BCAS3: variants seen among roughly 807,000 people sequenced by gnomAD.
BCAS3 encodes the protein BCAS3 microtubule associated cell migration factor.
A neutral mutation model predicts 116.1 loss-of-function variants in BCAS3; 53 were observed. The ratio of observed to expected loss-of-function variants is 0.46; its 90% CI spans 0.37 to 0.57. The LOEUF (loss-of-function observed/expected upper bound fraction) is 0.57, where lower values mean the gene tolerates loss of function less well. BCAS3 is among the 20% of genes least tolerant of loss of function. The pLI is 0.00. For synonymous variants in BCAS3, 391 were observed against 408.2 expected (o/e 0.96, Z 0.51); for missense variants, 917 against 1,165.4 (o/e 0.79, Z 3.10).
intron 5 of BCAS3, among the ~76,000 whole-genome samples, chr17:60,719,112 G>A (rs1046038836): frequency 1.3e-5 from 2 of 152,118 alleles, no homozygotes; most frequent in African/African-American, 2.4e-5. Flanking sequence ...GAAGCCATTG[G>A]AGGATTTTTG....
rs1223278958 is a variant in BCAS3, at chr17:61,362,495, G to A, written c.2426-5832G>A. Among the ~76,000 whole-genome samples, 1 of 152,224 alleles carries A rather than the reference G, an allele frequency of 6.6e-6. No individual in the cohort carries two copies. The highest frequency in any genetic ancestry group is 1.9e-4 in the East Asian group (1 of 5,196). On this transcript the variant is annotated intron_variant, in intron 22 of 23. Coordinates refer to ENST00000407086, the MANE Select transcript of BCAS3 (RefSeq NM_017679.5). The surrounding 1 kb of genome is among the most constrained non-coding windows in gnomAD (Gnocchi z 4.4). ...AGTGTGATTAGACACTATCAGCTTAGAGGAGCATCCTACCTGTCCCCCTCC... is the reference window on the plus strand; with the variant it reads ...AGTGTGATTAGACACTATCAGCTTAAAGGAGCATCCTACCTGTCCCCCTCC...
At chr17:61,057,262 A>T (rs143887156) in intron 19 of BCAS3, among the ~76,000 whole-genome samples, 1 of 152,344 alleles carries the variant, frequency 6.6e-6, no homozygotes, top group South Asian at 2.1e-4. Context: ...AGAAAATATC[A>T]GGGAAACCCT....
At chr17:60,705,201 T>G (rs2036951819) in intron 4 of BCAS3, among the ~76,000 whole-genome samples, 1 of 151,942 alleles carries the variant, frequency 6.6e-6, no homozygotes, top group Admixed American at 6.6e-5. Flanking sequence ...ACTTACAGGA[T>G]TTACGATAGA....
Position 60,963,978 on chromosome 17 carries a change from A to G in BCAS3, c.1221+16626A>G, listed in dbSNP as rs183358584. 2.0e-5 allele frequency among the ~76,000 whole-genome samples: 3 copies of G among 152,320 alleles called. No homozygotes were observed. The East Asian group carries it at 5.8e-4, about 29-fold the overall frequency. On this transcript the variant is annotated intron_variant, in intron 14 of 23. Coordinates refer to ENST00000407086, the MANE Select transcript of BCAS3 (RefSeq NM_017679.5). ...CTGGATATAAGATCATGTTGTCTGC[A>G]AACAAGGCTGATTTGAATTCTTCCT...
At chr17:60,735,913 C>T (rs576510547) in intron 5 of BCAS3, among the ~76,000 whole-genome samples, 1 of 143,282 alleles carries the variant, frequency 7.0e-6, no homozygotes, top group African/African-American at 3.0e-5. Flanking sequence ...TGTAGCTTAT[C>T]GATGTGATGG....
At chr17:61,016,318 A>G (rs1199782296) in intron 16 of BCAS3, among the ~76,000 whole-genome samples, 2 of 152,330 alleles carry the variant, frequency 1.3e-5, no homozygotes, top group South Asian at 4.1e-4. Flanking sequence ...TACTTTGAAA[A>G]AATCATCTAT....
chr17:61,295,654 GA>G (rs1247571404), intron 22 of BCAS3, among the ~76,000 whole-genome samples: 2 of 152,022 alleles, frequency 1.3e-5, no homozygotes, highest in Admixed American at 6.6e-5. Flanking sequence ...GTTGCCGTTT[GA>G]AATTTCTGTA....
intron 22 of BCAS3, among the ~76,000 whole-genome samples, chr17:61,194,475 C>T (rs1477754828): frequency 6.6e-6 from 1 of 152,090 alleles, no homozygotes; most frequent in East Asian, 1.9e-4. Context: ...CGCAGTGGCT[C>T]ACTCCTGTAA....
chr17:60,944,753 A>G (rs751799150), intron 13 of BCAS3, among the ~76,000 whole-genome samples: 2 of 152,184 alleles, frequency 1.3e-5, no homozygotes, highest in Non-Finnish European at 2.9e-5. Flanking sequence ...CGCTATATTA[A>G]TAGATTTAAA....
chr17:61,138,459 C>G (rs2076760775), intron 22 of BCAS3, among the ~76,000 whole-genome samples: 1 of 152,202 alleles, frequency 6.6e-6, no homozygotes, highest in Non-Finnish European at 1.5e-5. Context: ...GGCTATGTGA[C>G]TTACACACAG....
intron 22 of BCAS3, among the ~76,000 whole-genome samples, chr17:61,172,047 G>A (rs953535020): frequency 6.6e-6 from 1 of 152,156 alleles, no homozygotes; most frequent in Non-Finnish European, 1.5e-5. Flanking sequence ...GGGTCAGTTC[G>A]TGAAGAGAAC....
chr17:61,217,698 C>G lies in BCAS3; in HGVS notation c.2425+133134C>G, dbSNP rs2081881407. Among the ~76,000 whole-genome samples, 1 of 152,156 alleles carries G rather than the reference C, an allele frequency of 6.6e-6. No individual in the cohort carries two copies. Among genetic ancestry groups the G allele is most frequent in the South Asian group, 2.1e-4 (1 of 4,832 alleles). On this transcript the variant is annotated intron_variant, in intron 22 of 23. Coordinates refer to ENST00000407086, the MANE Select transcript of BCAS3 (RefSeq NM_017679.5). This position sits in a 1 kb window ranked among gnomAD's most constrained non-coding sequence, Gnocchi z 5.2. ...AGACCTGATATCATTAGGCAGCTTCCTCTGACTAGTTGATTTTCTTGAGAA... is the reference window on the plus strand; with the variant it reads ...AGACCTGATATCATTAGGCAGCTTCGTCTGACTAGTTGATTTTCTTGAGAA...
At chr17:61,100,547 A>T (rs996681826) in intron 22 of BCAS3, among the ~76,000 whole-genome samples, 1 of 152,188 alleles carries the variant, frequency 6.6e-6, no homozygotes, top group Non-Finnish European at 1.5e-5. Flanking sequence ...TATGTGTACC[A>T]TCTGATATTA....
At chr17:60,979,671 T>C (rs1241834656) in intron 14 of BCAS3, among the ~76,000 whole-genome samples, 1 of 151,584 alleles carries the variant, frequency 6.6e-6, no homozygotes, top group African/African-American at 2.4e-5. Context: ...ATACGTCCCA[T>C]CAATACCTAA....
chr17:60,816,440 A>G (rs1301723288), intron 7 of BCAS3, among the ~76,000 whole-genome samples: 1 of 151,804 alleles, frequency 6.6e-6, no homozygotes, highest in Non-Finnish European at 1.5e-5. Flanking sequence ...ACGCCCAGCT[A>G]ATTTTTGTAT....
chr17:60,792,026 G>A (rs1294951709), intron 6 of BCAS3, among the ~76,000 whole-genome samples: 1 of 152,170 alleles, frequency 6.6e-6, no homozygotes, highest in Non-Finnish European at 1.5e-5. Flanking sequence ...AGGAGGCCGA[G>A]GCAGGAGAAT....
Position 61,056,917 on chromosome 17 carries a change from T to C in BCAS3, c.2029+16025T>C, listed in dbSNP as rs1380149751. Among the ~76,000 whole-genome samples the C allele has an allele frequency of 2.0e-5, 3 of 152,218 alleles. No homozygotes were observed. The highest frequency in any genetic ancestry group is 7.2e-5 in the African/African-American group (3 of 41,470). ...AAGGATTAATATATTAACTGGATTA[T>C]AGCACTGTTTGACAAATTGCTCACT... is the stretch of plus-strand genomic sequence containing the variant. On this transcript the variant is annotated intron_variant, in intron 19 of 23. Transcript: ENST00000407086. This position sits in a 1 kb window ranked among gnomAD's most constrained non-coding sequence, Gnocchi z 4.9.
chr17:60,743,786 G>A (rs1490325561), intron 5 of BCAS3, among the ~76,000 whole-genome samples: 2 of 152,246 alleles, frequency 1.3e-5, no homozygotes, highest in East Asian at 3.9e-4. Flanking sequence ...AACTTGTGTA[G>A]CCTTTTCTGT....
At chr17:61,047,392 ATTAAT>A (rs1348250044) in intron 19 of BCAS3, among the ~76,000 whole-genome samples, 5 of 152,046 alleles carry the variant, frequency 3.3e-5, no homozygotes, top group East Asian at 1.9e-4. Flanking sequence ...AGTTTCACAG[ATTAAT>A]TTATATATGC....
Sources: allele counts gnomAD v4.1 joint callset (sites outside exome capture counted in the v4.1 genomes callset), GRCh38; gene constraint gnomAD v4.1.1; non-coding constraint Gnocchi (gnomAD v3.1); transcripts MANE v1.5; gene names NCBI Gene and HGNC (gene_info 2026-07-23, HGNC 2026-07-21).